The following MARCHF1 variants were observed in gnomAD, a reference collection of about 807,000 sequenced individuals.
MARCHF1 encodes E3 ubiquitin-protein ligase MARCHF1.
A neutral mutation model predicts 54.2 loss-of-function variants in MARCHF1; 40 were observed. The ratio of observed to expected loss-of-function variants is 0.74; its 90% confidence interval spans 0.57 to 0.96. The LOEUF (loss-of-function observed/expected upper bound fraction) is 0.96, where lower values mean the gene tolerates loss of function less well. Ranked by LOEUF, MARCHF1 falls within the 40% of genes least tolerant of loss-of-function variation. MARCHF1 has a pLI of 0.00. For missense variants in MARCHF1, 586 were observed against 656.5 expected, an observed-to-expected ratio of 0.89 and a Z score of 1.17; for synonymous variants, 236 against 236.3, an observed-to-expected ratio of 1.00 and a Z score of 0.01.
intron 3 of MARCHF1, among the ~76,000 whole-genome samples, chr4:163,958,516 G>A (rs1752277186): frequency 4.6e-5 from 7 of 151,872 alleles, no homozygotes; most frequent in Admixed American, 4.6e-4. Flanking sequence ...GTCATACATT[G>A]TTTCCTTAAA....
rs528385754 is a variant in MARCHF1 at position 163,711,092 on chromosome 4, G to A, written c.112-10229C>T. On this transcript the variant is annotated intron_variant, in intron 4 of 9. Transcript: ENST00000514618. The stretch of plus-strand genomic sequence containing the variant: ...TCTTAATAAGACAAACAGAAGTTTT[G>A]TAAATGACGTGTAATTTTTTGTAAA... Among the ~76,000 whole-genome samples, 8 of 151,718 alleles carry A rather than the reference G, an allele frequency of 5.3e-5. No individual in the cohort carries two copies. The South Asian group carries it at 1.7e-3, about 32-fold the overall frequency.
chr4:164,220,657 AATAT>A lies in MARCHF1; in HGVS notation c.-322-108999_-322-108996del, dbSNP rs1414368340. ...ATATATGCTATATATGCATATATGT[AATAT>A]ATATGCTATATGTATATATGTAATA... On this transcript the variant is annotated intron_variant, in intron 1 of 9. Transcript: ENST00000514618. Among the ~76,000 whole-genome samples the A allele has an allele frequency of 2.8e-5, 4 of 141,760 alleles. No individual in the cohort carries two copies. In the Admixed American group the frequency reaches 2.9e-4, roughly 10 times the overall value. The allele number at this position is 141,760 out of a possible 152,430, so 93.0% of individuals were successfully genotyped here.
intron 3 of MARCHF1, among the ~76,000 whole-genome samples, chr4:163,896,276 G>T (rs555285510): frequency 6.6e-6 from 1 of 152,238 alleles, no homozygotes; most frequent in Admixed American, 6.5e-5. Flanking sequence ...GGATTCAGTG[G>T]GGATCTGGCT....
At chr4:164,106,319 A>AT (rs1000391639) in intron 2 of MARCHF1, among the ~76,000 whole-genome samples, 2 of 70,716 alleles carry the variant, frequency 2.8e-5, no homozygotes, top group Non-Finnish European at 5.7e-5. Context: ...ATGCACACGT[A>AT]TGGTTATTGC....
intron 5 of MARCHF1, among the ~76,000 whole-genome samples, chr4:163,632,726 G>C (rs1017009349): frequency 2.6e-5 from 4 of 152,216 alleles, no homozygotes; most frequent in African/African-American, 7.2e-5. Flanking sequence ...CTGGAAGCTC[G>C]AACTGGGTGG....
chr4:163,878,274 A>G (rs1205980679), intron 3 of MARCHF1, among the ~76,000 whole-genome samples: 2 of 152,226 alleles, frequency 1.3e-5, no homozygotes, highest in Non-Finnish European at 2.9e-5. Context: ...AAGCAACAGG[A>G]GAACATGGCT....
intron 3 of MARCHF1, among the ~76,000 whole-genome samples, chr4:163,953,728 C>A (rs1278049623): frequency 6.6e-6 from 1 of 152,068 alleles, no homozygotes; most frequent in African/African-American, 2.4e-5. Context: ...ATGGTTTTTA[C>A]ACTTTTAAGG....
chr4:164,178,162 T>C (rs1225143454), intron 1 of MARCHF1, among the ~76,000 whole-genome samples: 2 of 152,190 alleles, frequency 1.3e-5, no homozygotes, highest in Non-Finnish European at 2.9e-5. Flanking sequence ...ATAACTTCAA[T>C]ATAATCAAGT....
intron 1 of MARCHF1, among the ~76,000 whole-genome samples, chr4:164,192,112 G>T (rs995426554): frequency 6.6e-6 from 1 of 151,964 alleles, no homozygotes; most frequent in African/African-American, 2.4e-5. Context: ...GCATTCCCAA[G>T]AATTAAGAGC....
At chr4:163,620,983 C>T (rs1454912245) in intron 5 of MARCHF1, among the ~76,000 whole-genome samples, 1 of 152,156 alleles carries the variant, frequency 6.6e-6, no homozygotes, top group Non-Finnish European at 1.5e-5. Context: ...TTTTGTTCTC[C>T]ACTATTTAAG....
chr4:163,545,557 TTAGGATCCAAGAGGGTAA>T (rs764044725), intron 9 of MARCHF1, 21 bp downstream of exon 9: 1 of 1,594,078 alleles, frequency 6.3e-7, no homozygotes, highest in Non-Finnish European at 8.6e-7. Flanking sequence ...AGTATTGTCT[TTAGGATCCAAGAGGGTAA>T]GAAGAAAGAT....
chr4:164,205,576 T>C (rs1398128990), intron 1 of MARCHF1, among the ~76,000 whole-genome samples: 1 of 152,190 alleles, frequency 6.6e-6, no homozygotes, highest in African/African-American at 2.4e-5. Context: ...ACCAAAATTG[T>C]TCTAAATGAG....
At chr4:163,654,518 T>C (rs1025273047) in intron 5 of MARCHF1, among the ~76,000 whole-genome samples, 2 of 151,682 alleles carry the variant, frequency 1.3e-5, no homozygotes, top group Non-Finnish European at 3.0e-5. Flanking sequence ...ACTTTTACTC[T>C]ATATTTTTAA....
intron 4 of MARCHF1, among the ~76,000 whole-genome samples, chr4:163,830,365 G>C (rs1748984096): frequency 6.6e-6 from 1 of 151,660 alleles, no homozygotes; most frequent in African/African-American, 2.4e-5. Context: ...CACAATCATA[G>C]TACATTGATG....
At chr4:163,843,351 A>G (rs895819403) in intron 4 of MARCHF1, among the ~76,000 whole-genome samples, 9 of 152,026 alleles carry the variant, frequency 5.9e-5, no homozygotes, top group Non-Finnish European at 1.2e-4. Context: ...TTTTGGTAGT[A>G]CACTTTATTT....
At chr4:164,102,660 A>G (rs1755593006) in intron 2 of MARCHF1, among the ~76,000 whole-genome samples, 1 of 151,892 alleles carries the variant, frequency 6.6e-6, no homozygotes, top group Non-Finnish European at 1.5e-5. Context: ...CTGCAAAATC[A>G]TGCCAAAATG....
chr4:164,025,040 C>G (rs537732228), intron 2 of MARCHF1, among the ~76,000 whole-genome samples: 7 of 152,238 alleles, frequency 4.6e-5, no homozygotes, highest in African/African-American at 1.7e-4. Flanking sequence ...CTTAACTATT[C>G]TAAATATATA....
intron 4 of MARCHF1, among the ~76,000 whole-genome samples, chr4:163,747,474 G>C (rs1487264008): frequency 2.0e-5 from 3 of 152,196 alleles, no homozygotes; most frequent in African/African-American, 7.2e-5. Context: ...AAGACCCAGT[G>C]AATTTGCTGA....
intron 1 of MARCHF1, among the ~76,000 whole-genome samples, chr4:164,364,813 T>A (rs1730834521): frequency 6.6e-6 from 1 of 151,972 alleles, no homozygotes; most frequent in Admixed American, 6.6e-5. Context: ...CACCATTTTT[T>A]CCTTTATCTT....
Sources: gnomAD v4.1 joint callset for allele counts (sites outside exome capture counted in the v4.1 genomes callset) on GRCh38, gnomAD v4.1.1 for gene constraint, MANE v1.5 for transcripts, NCBI Gene and HGNC (gene_info 2026-07-23, HGNC 2026-07-21) for gene names.